SOX5: variants seen among roughly 807,000 people sequenced by gnomAD.
SOX5 encodes SRY-box transcription factor 5.
SOX5 carries 9 observed loss-of-function variants against 92.0 expected under a neutral mutation model. The ratio of observed to expected loss-of-function variants is 0.10; its 90% CI spans 0.06 to 0.17. The LOEUF is 0.17. SOX5 is among the 10% of genes least tolerant of loss of function. The probability of loss-of-function intolerance (pLI) is 1.00; values close to 1 mark genes in which losing one functional copy is unlikely to be tolerated. For synonymous variants in SOX5, 344 were observed against 336.3 expected (o/e 1.02, Z -0.25); for missense variants, 642 against 944.5 (o/e 0.68, Z 4.20).
intron 9 of SOX5, chr12:23,582,406 A>G: frequency 2.7e-6 from 1 of 373,898 alleles, no homozygotes; most frequent in Non-Finnish European, 3.7e-6. Context: ...AAAGTAACCT[A>G]AGATAAAAAT....
At chr12:23,582,364 G>A (rs1029179558) in intron 9 of SOX5, 62 of 794,150 alleles carry the variant, frequency 7.8e-5, no homozygotes, top group Non-Finnish European at 9.5e-5. Context: ...AGAACTTAAA[G>A]GAGAAAAGGT....
rs537637355 is a variant in SOX5 at position 23,571,755 on chromosome 12, G to A, written c.1342+3906C>T. Among the ~76,000 whole-genome samples the A allele has an allele frequency of 2.0e-4, 31 of 152,034 alleles. No individual in the cohort carries two copies. In the South Asian group the frequency reaches 3.7e-3, roughly 18 times the overall value. Reference sequence around the variant, plus strand: ...AATATAGAATCATAGAACTGTCTACGCTCTGACAAAAAATTACTTCAAATC... The same window carrying A: ...AATATAGAATCATAGAACTGTCTACACTCTGACAAAAAATTACTTCAAATC... On this transcript the variant is annotated intron_variant, in intron 10 of 14. Transcript: ENST00000451604.
intron 7 of SOX5, among the ~76,000 whole-genome samples, chr12:23,653,103 C>G (rs935261582): frequency 6.6e-6 from 1 of 151,380 alleles, no homozygotes; most frequent in Non-Finnish European, 1.5e-5. Context: ...TGATCTCAAT[C>G]CTAGGCTTCA....
upstream of SOX5, chr12:23,950,956 G>A (rs918513701): frequency 1.6e-6 from 2 of 1,267,058 alleles, no homozygotes; most frequent in Admixed American, 4.0e-5. Context: ...AGGAGATAGT[G>A]TGCATTCTTC....
chr12:24,109,555 TAAC>T (rs1470672267), intron 4 of SOX5, among the ~76,000 whole-genome samples: 1 of 152,112 alleles, frequency 6.6e-6, no homozygotes, highest in Non-Finnish European at 1.5e-5. Context: ...GAGAAACAAG[TAAC>T]AAAGTCTCAC....
At chr12:24,535,007 G>A (rs1951512134) in intron 1 of SOX5, among the ~76,000 whole-genome samples, 3 of 152,202 alleles carry the variant, frequency 2.0e-5, no homozygotes, top group Admixed American at 2.0e-4. Context: ...GCTCCATGAG[G>A]TTTTCCCATC....
intron 2 of SOX5, among the ~76,000 whole-genome samples, chr12:23,864,446 C>T (rs996740678): frequency 2.6e-5 from 4 of 151,978 alleles, no homozygotes; most frequent in South Asian, 4.1e-4. Flanking sequence ...CAGAGATAGG[C>T]CAAAAGCTAG....
chr12:24,100,691 A>G (rs61912460), intron 4 of SOX5, among the ~76,000 whole-genome samples: 2,280 of 152,244 alleles, frequency 0.015, 33 homozygotes, highest in Middle Eastern at 0.024. Flanking sequence ...TTAATAAACT[A>G]CTTGACATCT....
intron 1 of SOX5, among the ~76,000 whole-genome samples, chr12:24,435,843 A>G (rs1939324318): frequency 1.3e-5 from 2 of 152,220 alleles, no homozygotes; most frequent in Admixed American, 6.5e-5. Context: ...TTTTCCCAAC[A>G]ACATATACTC....
chr12:24,088,769 T>G (rs1467266035), intron 4 of SOX5, among the ~76,000 whole-genome samples: 1 of 152,040 alleles, frequency 6.6e-6, no homozygotes, highest in African/African-American at 2.4e-5. Flanking sequence ...TCAACACATT[T>G]GAGGAACATT....
intron 4 of SOX5, among the ~76,000 whole-genome samples, chr12:24,147,751 AT>A (rs572965089): frequency 9.1e-4 from 139 of 152,344 alleles, no homozygotes; most frequent in African/African-American, 3.3e-3. Context: ...AATTAGCTAT[AT>A]TCTATATATC....
At chr12:24,295,293 AACTC>A (rs1947076894) in intron 2 of SOX5, among the ~76,000 whole-genome samples, 1 of 152,136 alleles carries the variant, frequency 6.6e-6, no homozygotes, top group Admixed American at 6.5e-5. Flanking sequence ...GTGTACAACA[AACTC>A]ACACTTCTCC....
intron 1 of SOX5, among the ~76,000 whole-genome samples, chr12:23,909,058 T>C (rs1329295072): frequency 6.6e-6 from 1 of 151,700 alleles, no homozygotes; most frequent in African/African-American, 2.4e-5. Context: ...AATTCAAAGG[T>C]TGTGGCATAT....
At chr12:23,924,575 A>C (rs17399946) in intron 1 of SOX5, among the ~76,000 whole-genome samples, 16,633 of 152,110 alleles carry the variant, frequency 0.11, 1,069 homozygotes, top group Non-Finnish European at 0.15. Flanking sequence ...GGAATATTAC[A>C]TTTGTAAAGT....
At chr12:23,762,076 C>T (rs994459178) in intron 3 of SOX5, among the ~76,000 whole-genome samples, 1 of 152,050 alleles carries the variant, frequency 6.6e-6, no homozygotes, top group African/African-American at 2.4e-5. Context: ...TGCATATCTA[C>T]ACAATATTAG....
intron 4 of SOX5, among the ~76,000 whole-genome samples, chr12:23,976,178 T>C (rs1250401502): frequency 6.6e-6 from 1 of 151,934 alleles, no homozygotes; most frequent in Non-Finnish European, 1.5e-5. Context: ...AATACTTTTC[T>C]CCGAGATGAT....
intron 6 of SOX5, 60 bp from the exon 7 acceptor site, chr12:23,665,624 C>T (rs930049448): frequency 3.3e-6 from 5 of 1,528,900 alleles, no homozygotes; most frequent in Non-Finnish European, 4.4e-6. Context: ...TGCTTCTTCC[C>T]ACCCTCCTTA....
chr12:23,537,186 C>T (rs899806688), intron 13 of SOX5, among the ~76,000 whole-genome samples: 5 of 152,076 alleles, frequency 3.3e-5, no homozygotes, highest in Non-Finnish European at 7.4e-5. Flanking sequence ...TTTGATTAAA[C>T]ATTTAATTAT....
chr12:23,803,926 A>G (rs1443746910), intron 3 of SOX5, among the ~76,000 whole-genome samples: 1 of 152,214 alleles, frequency 6.6e-6, no homozygotes, highest in African/African-American at 2.4e-5. Flanking sequence ...GATTAACCGT[A>G]AAGTCCACAA....
Sources: allele counts gnomAD v4.1 joint callset (sites outside exome capture counted in the v4.1 genomes callset), GRCh38; gene constraint gnomAD v4.1.1; transcripts MANE v1.5; gene names NCBI Gene and HGNC (gene_info 2026-07-23, HGNC 2026-07-21).